The following ANPEP variants were observed in gnomAD, a reference collection of about 807,000 sequenced individuals.
ANPEP encodes aminopeptidase N.
A neutral mutation model predicts 114.6 loss-of-function variants in ANPEP; 70 were observed. The ratio of observed to expected loss-of-function variants is 0.61; its 90% CI spans 0.50 to 0.75. The LOEUF (loss-of-function observed/expected upper bound fraction) is 0.75. Among genes scored for constraint, ANPEP ranks in the 30% least tolerant of loss-of-function variants. ANPEP has a pLI of 0.00. For synonymous variants in ANPEP, 548 were observed against 522.3 expected (o/e 1.05, Z -0.67); for missense variants, 1,184 against 1,259.5 (o/e 0.94, Z 0.91).
Position 89,799,704 on chromosome 15 carries a change from G to T in ANPEP, c.1820-145C>A, listed in dbSNP as rs1894546997. The T allele has an allele frequency of 8.1e-7, 1 of 1,230,548 alleles. No individual in the cohort carries two copies. The highest frequency in any genetic ancestry group is 1.1e-6 in the Non-Finnish European group (1 of 879,772). 76.2% of individuals were successfully genotyped at this position (1,230,548 alleles called of 1,614,324 possible). A position where few individuals can be genotyped will look rare whatever the true frequency, so the allele number is the denominator to read the frequency against. On this transcript the variant is annotated intron_variant, in intron 12 of 20. Transcript: ENST00000300060. The surrounding 1 kb of genome is among the most constrained non-coding windows in gnomAD (Gnocchi z 4.2). ...AGACGCTAAGGGTGGGGAAGGAAGGGATGAGGAACTGGGCTGCCAGTGGCT... is the reference window on the plus strand; with the variant it reads ...AGACGCTAAGGGTGGGGAAGGAAGGTATGAGGAACTGGGCTGCCAGTGGCT...
At chr15:89,790,392 AG>A in intron 20 of ANPEP, 67 bp downstream of exon 20, 1 of 1,465,758 alleles carries the variant, frequency 6.8e-7, no homozygotes, top group South Asian at 1.1e-5. Context: ...ACGTGGGAGA[AG>A]AATGGAGTGC....
chr15:89,793,019 G>A lies in ANPEP; in HGVS notation c.2249+16C>T. On this transcript the variant is annotated intron_variant, in intron 16 of 20. Coordinates refer to ENST00000300060, the MANE Select transcript of ANPEP (RefSeq NM_001150.3). Reference sequence around the variant, plus strand: ...GGGTGCCCAGGACTTCCAAACCCATGAGAGCTCCCACTCACTGGTCCATCA... The same window carrying A: ...GGGTGCCCAGGACTTCCAAACCCATAAGAGCTCCCACTCACTGGTCCATCA... 1 of 1,609,948 alleles carries A rather than the reference G, an allele frequency of 6.2e-7. No homozygotes were observed. The highest frequency in any genetic ancestry group is 8.5e-7 in the Non-Finnish European group (1 of 1,176,194).
intron 1 of ANPEP, among the ~76,000 whole-genome samples, chr15:89,809,473 G>A (rs1421815791): frequency 1.3e-5 from 2 of 152,230 alleles, no homozygotes; most frequent in Non-Finnish European, 2.9e-5. Flanking sequence ...CCAAGTTGGT[G>A]CAGCAGGTAG....
Position 89,792,294 on chromosome 15 carries a change from G to A in ANPEP, c.2394C>T (p.Cys798=). ...IHPNLRSTVY[C]NAIAQGGEEE... is the part of the protein sequence containing the mutation. Reference sequence around the variant, plus strand: ...CCTCCCCGCCCTGGGCGATAGCGTTGCAGTAGACGGTGGACCGCAGGTTGG... The same window carrying A: ...CCTCCCCGCCCTGGGCGATAGCGTTACAGTAGACGGTGGACCGCAGGTTGG... Residue 798 remains cysteine, a synonymous_variant, in exon 18 of 21, where the codon TGC becomes TGT. Transcript: ENST00000300060. The A allele has an allele frequency of 6.2e-7, 1 of 1,614,252 alleles. No individual in the cohort carries two copies. The highest frequency in any genetic ancestry group is 8.5e-7 in the Non-Finnish European group (1 of 1,180,046).
intron 10 of ANPEP, 22 bp from the exon 11 acceptor site, chr15:89,801,629 G>A (rs771270578): frequency 2.2e-5 from 36 of 1,608,108 alleles, no homozygotes; most frequent in Admixed American, 5.0e-5. Flanking sequence ...GCGAGAGGGC[G>A]TGGCCATCAG....
chr15:89,804,014 G>T lies in ANPEP; in HGVS notation c.1180-12C>A. On this transcript the variant is annotated splice_polypyrimidine_tract_variant and intron_variant, in intron 6 of 20. Coordinates refer to ENST00000300060, the MANE Select transcript of ANPEP (RefSeq NM_001150.3). Reference sequence around the variant, plus strand: ...AGGTTCCCGAACCACTGTGGGGGGAGGGGTCAGCTGGGCAAGCCACGCCCA... The same window carrying T: ...AGGTTCCCGAACCACTGTGGGGGGATGGGTCAGCTGGGCAAGCCACGCCCA... 1 of 1,612,984 alleles carries T rather than the reference G, an allele frequency of 6.2e-7. No homozygotes were observed. The highest frequency in any genetic ancestry group is 8.5e-7 in the Non-Finnish European group (1 of 1,179,154).
At position 89,804,256 on chromosome 15, in the gene ANPEP, G is replaced by T. The variant is rs748152165; in HGVS notation, c.1176C>A (p.His392Gln). 3.1e-6 allele frequency: 5 copies of T among 1,614,170 alleles called. No homozygotes were observed. The highest frequency in any genetic ancestry group is 4.2e-6 in the Non-Finnish European group (5 of 1,180,036). ...VVTVIAHELA[H>Q]QWFGNLVTIE... ...ACTCCCCGAGATGGGGGTCTACCTG[G>T]TGGGCCAGCTCATGAGCAATCACAG... The change falls in exon 6 of 21, where the codon CAC becomes CAA. Residue 392 changes from histidine to glutamine, a missense_variant. His to Gln is a conservative substitution (Grantham distance 24). Coordinates refer to ENST00000300060, the MANE Select transcript of ANPEP (RefSeq NM_001150.3).
intron 20 of ANPEP, among the ~76,000 whole-genome samples, 156 bp from the exon 21 acceptor site, chr15:89,785,657 C>T (rs1435464649): frequency 1.3e-5 from 2 of 152,230 alleles, no homozygotes; most frequent in Admixed American, 6.5e-5. Flanking sequence ...ACCTTGCTCC[C>T]GGGCAAAGTC....
rs1176950627 is a variant in ANPEP at position 89,785,250 on chromosome 15, G to T, written c.*99C>A. On this transcript the variant is annotated 3_prime_UTR_variant, in exon 21 of 21. Coordinates refer to ENST00000300060, the MANE Select transcript of ANPEP (RefSeq NM_001150.3). ...ACTTTGTCCTTGAGGGGAGGACACT[G>T]GTGCCTCGGGCTCCAGGAATGGAGG... 14 of 1,483,598 alleles carry T rather than the reference G, an allele frequency of 9.4e-6. No homozygotes were observed. The highest frequency in any genetic ancestry group is 1.0e-5 in the Non-Finnish European group (11 of 1,079,786). 91.9% of individuals were successfully genotyped at this position (1,483,598 alleles called of 1,614,324 possible).
chr15:89,808,101 C>T (rs1216216992), intron 1 of ANPEP, among the ~76,000 whole-genome samples: 30 of 152,208 alleles, frequency 2.0e-4, no homozygotes, highest in Admixed American at 2.0e-3. Context: ...CTTCTAAAGG[C>T]ACCCACAAGC....
chr15:89,804,347 T>G lies in ANPEP; in HGVS notation c.1085A>C (p.Tyr362Ser), dbSNP rs749311911. Residue 362 changes from tyrosine (Y) to serine (S), a missense_variant, in exon 6 of 21, where the codon TAC becomes TCC. Tyr to Ser is a moderately radical substitution (Grantham distance 144). Transcript: ENST00000300060. ...GAMENWGLVT[Y>S]RENSLLFDPL... ...GTCGAACAGCAGGGAGTTCTCCCGG[T>G]AGGTCACCAGTCCCCAGTTCTCCAT... is the stretch of plus-strand genomic sequence containing the variant. The G allele has an allele frequency of 1.2e-5, 20 of 1,614,004 alleles. No homozygotes were observed. Among genetic ancestry groups the G allele is most frequent in the Non-Finnish European group, 1.6e-5 (19 of 1,180,016 alleles).
In ANPEP at chr15:89,801,453, G is replaced by A; in HGVS notation, c.1724C>T (p.Thr575Ile). Residue 575 changes from threonine (T) to isoleucine (I), a missense_variant, in exon 11 of 21, where the codon ACC becomes ATC. Physicochemically the swap from Thr to Ile is moderately conservative, Grantham distance 89. Coordinates refer to ENST00000300060, the MANE Select transcript of ANPEP (RefSeq NM_001150.3). ...HFLLDPDSNV[T>I]RPSEFNYVWI... ...TGCTCACTTGAATTCTGAGGGGCGG[G>A]TAACATTGGAATCGGGGTCAAGGAG... is the stretch of plus-strand genomic sequence containing the variant. The A allele has an allele frequency of 1.9e-6, 3 of 1,614,164 alleles. No homozygotes were observed. The highest frequency in any genetic ancestry group is 2.2e-5 in the East Asian group (1 of 44,878).
In ANPEP at chr15:89,790,457, T is replaced by C. The variant is rs1567154056; in HGVS notation, c.2751+3A>G. 6.2e-7 allele frequency: 1 copy of C among 1,613,466 alleles called. No individual in the cohort carries two copies. Among genetic ancestry groups the C allele is most frequent in the East Asian group, 2.2e-5 (1 of 44,862 alleles). On this transcript the variant is annotated splice_donor_region_variant and intron_variant, in intron 20 of 20. Coordinates refer to ENST00000300060, the MANE Select transcript of ANPEP (RefSeq NM_001150.3). ...AGCCCAGGTCTGGGGAATGACTTCT[T>C]ACCTGCTGCAGCTCATACTCGGTGG...
rs756511878 is a variant in ANPEP at position 89,799,452 on chromosome 15, G to T, written c.1927C>A (p.Gln643Lys). 1.9e-6 allele frequency: 3 copies of T among 1,614,084 alleles called. No homozygotes were observed. The highest frequency in any genetic ancestry group is 1.7e-5 in the Admixed American group (1 of 60,002). The change falls in exon 13 of 21, where the codon CAG becomes AAG. Residue 643 changes from glutamine to lysine, a missense_variant. Transcript: ENST00000300060. The surrounding 1 kb of genome is among the most constrained non-coding windows in gnomAD (Gnocchi z 4.2). ...GAGTGGTCTCTCTGCAGCTGAGTCT[G>T]AATCTTCCTCCAGTTCTCTTCGTCG... ...NYDEENWRKI[Q>K]TQLQRDHSAI...
chr15:89,804,725 C>A, intron 4 of ANPEP, 108 bp from the exon 5 acceptor site: 1 of 1,459,450 alleles, frequency 6.9e-7, no homozygotes, highest in South Asian at 1.3e-5. Context: ...TGGGCCAGGG[C>A]TGGAGGCCAA....
chr15:89,805,002 C>T (rs1033091731), intron 4 of ANPEP, 76 bp downstream of exon 4: 17 of 1,590,040 alleles, frequency 1.1e-5, no homozygotes, highest in African/African-American at 2.7e-5. Flanking sequence ...GAAACTGGCA[C>T]AGGGATGAAG....
rs1014978554 is a variant in ANPEP, at chr15:89,792,029, T to C, written c.2528+131A>G. The stretch of plus-strand genomic sequence containing the variant: ...AAGCTTCCAGTCTGCACCGGTTACT[T>C]TGGAAATACTGCCTCCACCTCAACA... On this transcript the variant is annotated intron_variant, in intron 18 of 20. Transcript: ENST00000300060. The C allele has an allele frequency of 2.5e-5, 28 of 1,116,280 alleles. No homozygotes were observed. The East Asian group carries it at 7.2e-4, about 29-fold the overall frequency. 69.1% of individuals were successfully genotyped at this position (1,116,280 alleles called of 1,614,324 possible). A position where few individuals can be genotyped will look rare whatever the true frequency, so the allele number is the denominator to read the frequency against.
chr15:89,790,623 A>G (rs1475628041), intron 19 of ANPEP, 82 bp from the exon 20 acceptor site: 7 of 1,254,132 alleles, frequency 5.6e-6, no homozygotes, highest in South Asian at 1.2e-5. Flanking sequence ...GTAGGGAGCC[A>G]TGATTATAGA....
chr15:89,800,361 T>G (rs1894562345), intron 12 of ANPEP, among the ~76,000 whole-genome samples: 1 of 152,074 alleles, frequency 6.6e-6, no homozygotes, highest in Non-Finnish European at 1.5e-5. Flanking sequence ...CATACCTCAC[T>G]AGCCCCAACC....
Sources: gnomAD v4.1 joint callset for allele counts (sites outside exome capture counted in the v4.1 genomes callset) on GRCh38, gnomAD v4.1.1 for gene constraint, Gnocchi (gnomAD v3.1) non-coding constraint, MANE v1.5 for transcripts, NCBI Gene and HGNC (gene_info 2026-07-23, HGNC 2026-07-21) for gene names.